The following PLA1A variants were observed in gnomAD, a reference collection of about 807,000 sequenced individuals.
PLA1A encodes phosphatidylserine-specific phospholipase A1alpha.
A neutral mutation model predicts 49.4 loss-of-function variants in PLA1A; 47 were observed. That is an observed-to-expected ratio of 0.95 (90% CI 0.75 to 1.21). The LOEUF is 1.21. Ranked by LOEUF, PLA1A falls within the 50% of genes most tolerant of loss-of-function variation. The probability of loss-of-function intolerance (pLI) is 0.00; values close to 1 mark genes in which losing one functional copy is unlikely to be tolerated. For missense variants in PLA1A, 561 were observed against 563.9 expected, an observed-to-expected ratio of 0.99 and a Z score of 0.05; for synonymous variants, 224 against 207.9, an observed-to-expected ratio of 1.08 and a Z score of -0.67.
rs534312116 is a variant in PLA1A, at chr3:119,628,676, C to T, written c.1122-25C>T. On this transcript the variant is annotated intron_variant, in intron 9 of 10. Transcript: ENST00000273371. Reference sequence around the variant, plus strand: ...AGGTGGTAAGGGCTACAGTCATTTACTTTCCCTTTACCCTTTTCTTGCAGA... The same window carrying T: ...AGGTGGTAAGGGCTACAGTCATTTATTTTCCCTTTACCCTTTTCTTGCAGA... 6.2e-6 allele frequency: 10 copies of T among 1,611,126 alleles called. No individual in the cohort carries two copies. In the South Asian group the frequency reaches 8.8e-5, roughly 14 times the overall value.
At chr3:119,600,321 C>G in intron 1 of PLA1A, 2 of 699,078 alleles carry the variant, frequency 2.9e-6, no homozygotes, top group South Asian at 3.0e-5. Context: ...TGTTGAGCTC[C>G]TTGATCAACC....
chr3:119,609,783 A>G (rs1288026201), intron 4 of PLA1A, among the ~76,000 whole-genome samples: 1 of 152,200 alleles, frequency 6.6e-6, no homozygotes, highest in Non-Finnish European at 1.5e-5. Context: ...TCAATGTGAG[A>G]GGCCATGTAT....
chr3:119,623,717 C>CTTTTTTTT (rs35309675), intron 8 of PLA1A, among the ~76,000 whole-genome samples: 6 of 101,488 alleles, frequency 5.9e-5, no homozygotes, highest in Non-Finnish European at 9.3e-5. Flanking sequence ...TTCTCTCTTT[C>CTTTTTTTT]TTTTTTTTTT....
chr3:119,608,230 G>GAAAGAAAGAAAGAAAGAAAGAA (rs1445174162), intron 2 of PLA1A, among the ~76,000 whole-genome samples: 1 of 74,776 alleles, frequency 1.3e-5, no homozygotes, highest in African/African-American at 5.2e-5. Flanking sequence ...AAGAAAGAGA[G>GAAAGAAAGAAAGAAAGAAAGAA]AGAAAGAAAG....
At chr3:119,622,897 A>T (rs2082964665) in intron 8 of PLA1A, among the ~76,000 whole-genome samples, 1 of 150,504 alleles carries the variant, frequency 6.6e-6, no homozygotes, top group South Asian at 2.1e-4. Context: ...CACGATCTTG[A>T]CTCACTGCAA....
At chr3:119,613,963 C>T (rs1387605063) in intron 5 of PLA1A, among the ~76,000 whole-genome samples, 2 of 152,170 alleles carry the variant, frequency 1.3e-5, no homozygotes, top group African/African-American at 4.8e-5. Context: ...TCTCTCAACC[C>T]GTTATGACCA....
chr3:119,600,559 A>G (rs1488999577), intron 1 of PLA1A, among the ~76,000 whole-genome samples: 1 of 152,106 alleles, frequency 6.6e-6, no homozygotes, highest in Non-Finnish European at 1.5e-5. Flanking sequence ...TCATCCTTGA[A>G]TCCCCAGAGC....
chr3:119,622,108 G>C (rs575762051), intron 8 of PLA1A, among the ~76,000 whole-genome samples: 1 of 140,682 alleles, frequency 7.1e-6, no homozygotes, highest in Admixed American at 7.0e-5. Context: ...AGAAGAAGAA[G>C]GAGAAGGAGA....
intron 1 of PLA1A, 51 bp downstream of exon 1, chr3:119,598,037 A>G (rs373533804): frequency 8.7e-5 from 104 of 1,189,006 alleles, no homozygotes; most frequent in Non-Finnish European, 1.2e-4. Context: ...CAGTGATCAT[A>G]TTTCTCCAAC....
At chr3:119,622,166 A>AGG (rs1560086940) in intron 8 of PLA1A, among the ~76,000 whole-genome samples, 130 of 118,152 alleles carry the variant, frequency 1.1e-3, no homozygotes, top group African/African-American at 4.6e-3. Flanking sequence ...GAAGAAGAAG[A>AGG]AGAAGAAGAA....
intron 1 of PLA1A, chr3:119,600,185 G>A: frequency 1.8e-6 from 1 of 565,028 alleles, no homozygotes; most frequent in South Asian, 2.5e-5. Flanking sequence ...CACAAGGGCA[G>A]TAGCTGACCC....
rs1216394071 is a variant in PLA1A, at chr3:119,608,758, C to T, written c.276-12C>T. ...AGGTAATTTTTCCATTCTTTTTTGGCCCCCTGTCTAGGGTTTTAGGAACAA... is the reference window on the plus strand; with the variant it reads ...AGGTAATTTTTCCATTCTTTTTTGGTCCCCTGTCTAGGGTTTTAGGAACAA... On this transcript the variant is annotated splice_polypyrimidine_tract_variant and intron_variant, in intron 2 of 10. Transcript: ENST00000273371. The T allele has an allele frequency of 6.1e-6, 6 of 990,420 alleles. No individual in the cohort carries two copies. The highest frequency in any genetic ancestry group is 8.0e-6 in the Non-Finnish European group (6 of 754,702). 61.4% of individuals were successfully genotyped at this position (990,420 alleles called of 1,614,324 possible). A position where few individuals can be genotyped will look rare whatever the true frequency, so the allele number is the denominator to read the frequency against.
intron 7 of PLA1A, among the ~76,000 whole-genome samples, chr3:119,619,038 A>G (rs1233708021): frequency 1.3e-5 from 2 of 152,192 alleles, no homozygotes; most frequent in African/African-American, 4.8e-5. Flanking sequence ...CTGTCTGCCC[A>G]GCCTCATCTC....
intron 5 of PLA1A, among the ~76,000 whole-genome samples, chr3:119,615,046 G>A (rs150012801): frequency 6.6e-6 from 1 of 152,210 alleles, no homozygotes; most frequent in South Asian, 2.1e-4. Flanking sequence ...GGCTGCATGT[G>A]GGGTATGAGG....
chr3:119,604,106 C>T (rs2082652511), intron 1 of PLA1A, among the ~76,000 whole-genome samples: 1 of 150,850 alleles, frequency 6.6e-6, no homozygotes, highest in Non-Finnish European at 1.5e-5. Flanking sequence ...TATTCTTTAA[C>T]CCATACATTC....
At chr3:119,618,522 A>G (rs1357755137) in intron 7 of PLA1A, among the ~76,000 whole-genome samples, 2 of 151,964 alleles carry the variant, frequency 1.3e-5, no homozygotes, top group Non-Finnish European at 2.9e-5. Flanking sequence ...TAAATCTATG[A>G]CCCTTCATAG....
At position 119,625,287 on chromosome 3, in the gene PLA1A, C is replaced by A. The variant is rs1302975736; in HGVS notation, c.1121+55C>A. 5.4e-6 allele frequency: 6 copies of A among 1,117,648 alleles called. No individual in the cohort carries two copies. In the East Asian group the frequency reaches 1.2e-4, roughly 22 times the overall value. 69.2% of individuals were successfully genotyped at this position (1,117,648 alleles called of 1,614,324 possible). On this transcript the variant is annotated intron_variant, in intron 9 of 10. Transcript: ENST00000273371. ...TCCCCTTAGGAGTTGGTTACTTTTT[C>A]ATTTTACACACATGGACATCCCAGG...
intron 7 of PLA1A, among the ~76,000 whole-genome samples, chr3:119,618,433 C>G: frequency 6.6e-6 from 1 of 152,198 alleles, no homozygotes; most frequent in East Asian, 1.9e-4. Context: ...TTCCCACATA[C>G]AGGTTCCTCC....
Position 119,613,128 on chromosome 3 carries a change from G to A in PLA1A, c.664+10G>A. 6.3e-7 allele frequency: 1 copy of A among 1,580,156 alleles called. No homozygotes were observed. Among genetic ancestry groups the A allele is most frequent in the Non-Finnish European group, 8.7e-7 (1 of 1,155,082 alleles). On this transcript the variant is annotated intron_variant, in intron 5 of 10. Transcript: ENST00000273371. ...CACACAGACACCGACAGTGAGCTGG[G>A]GTGACCTTCCTGGGATGAGGGAATG...
Sources: gnomAD v4.1 joint callset for allele counts (sites outside exome capture counted in the v4.1 genomes callset) on GRCh38, gnomAD v4.1.1 for gene constraint, MANE v1.5 for transcripts, NCBI Gene and HGNC (gene_info 2026-07-23, HGNC 2026-07-21) for gene names.